Variants in TMEM131 observed in about 807,000 individuals in gnomAD.
TMEM131 encodes the protein transmembrane protein 131.
TMEM131 carries 66 observed loss-of-function variants against 211.6 expected under a neutral mutation model. The observed-to-expected ratio is 0.31, with a 90% CI of 0.26 to 0.38. The LOEUF (loss-of-function observed/expected upper bound fraction) is 0.38. Ranked by LOEUF, TMEM131 falls within the 10% of genes least tolerant of loss-of-function variation. The pLI, the probability that TMEM131 is intolerant of heterozygous loss-of-function variation, is 1.00. For missense variants in TMEM131, 2,036 were observed against 2,299.3 expected (o/e 0.89, Z 2.34); for synonymous variants, 844 against 841.3 (o/e 1.00, Z -0.06).
At chr2:97,810,769 C>T (rs1056491147) in intron 18 of TMEM131, among the ~76,000 whole-genome samples, 6 of 152,056 alleles carry the variant, frequency 3.9e-5, no homozygotes, top group African/African-American at 1.4e-4. Flanking sequence ...AATGTTAGAC[C>T]CTGACTGCTA....
chr2:97,805,047 C>G, intron 22 of TMEM131, 41 bp downstream of exon 22: 1 of 1,357,750 alleles, frequency 7.4e-7, no homozygotes, highest in Non-Finnish European at 1.0e-6. Context: ...CAATAGTCAT[C>G]TTGTAAAGAT....
At chr2:97,926,416 T>C (rs988704577) in intron 2 of TMEM131, among the ~76,000 whole-genome samples, 31 of 152,200 alleles carry the variant, frequency 2.0e-4, no homozygotes, top group Admixed American at 6.5e-5. Context: ...AAAATAAAAA[T>C]TGTTTCTGAG....
intron 5 of TMEM131, among the ~76,000 whole-genome samples, chr2:97,849,035 G>T (rs1291512755): frequency 1.3e-5 from 2 of 152,010 alleles, no homozygotes; most frequent in Non-Finnish European, 2.9e-5. Flanking sequence ...GAAAACATAT[G>T]GATGGCAAAT....
chr2:97,927,305 T>C, intron 2 of TMEM131, 121 bp downstream of exon 2: 1 of 687,362 alleles, frequency 1.5e-6, no homozygotes, highest in Non-Finnish European at 2.2e-6. Context: ...TACTGACCTA[T>C]CTTCAAAGCT....
chr2:97,876,408 A>G (rs1674695931), intron 4 of TMEM131, among the ~76,000 whole-genome samples: 1 of 152,222 alleles, frequency 6.6e-6, no homozygotes, highest in Admixed American at 6.5e-5. Flanking sequence ...ACAAAAAAAG[A>G]AAATTTCAGG....
intron 1 of TMEM131, among the ~76,000 whole-genome samples, chr2:97,968,672 C>T (rs1003318880): frequency 3.3e-5 from 5 of 152,194 alleles, no homozygotes; most frequent in Non-Finnish European, 7.3e-5. Context: ...TCCCACTCAT[C>T]TGTGCGTAGT....
intron 1 of TMEM131, among the ~76,000 whole-genome samples, chr2:97,977,267 T>C (rs1256410345): frequency 6.6e-6 from 1 of 152,152 alleles, no homozygotes. Context: ...AATATGTATC[T>C]CCAGAATACT....
At chr2:97,793,621 T>A in intron 29 of TMEM131, 68 bp from the exon 30 acceptor site, 1 of 1,446,948 alleles carries the variant, frequency 6.9e-7, no homozygotes, top group Non-Finnish European at 9.4e-7. Context: ...AAATTCGATG[T>A]TAAAGGCAGA....
At chr2:97,824,725 G>C (rs932979243) in intron 11 of TMEM131, among the ~76,000 whole-genome samples, 1 of 152,202 alleles carries the variant, frequency 6.6e-6, no homozygotes, top group Non-Finnish European at 1.5e-5. Flanking sequence ...CAGGCTAAAA[G>C]ACTCCACTAC....
Position 97,927,496 on chromosome 2 carries a change from A to G in TMEM131, c.188-9T>C. 1 of 1,556,746 alleles carries G rather than the reference A, an allele frequency of 6.4e-7. No homozygotes were observed. The highest frequency in any genetic ancestry group is 8.7e-7 in the Non-Finnish European group (1 of 1,154,354). The stretch of plus-strand genomic sequence containing the variant: ...CTCTGACTGAACGAATGCTGTGAAG[A>G]AAACAAAACATACCATCACTTACAG... On this transcript the variant is annotated splice_polypyrimidine_tract_variant and intron_variant, in intron 1 of 40. Coordinates refer to ENST00000186436, the MANE Select transcript of TMEM131 (RefSeq NM_015348.2).
intron 5 of TMEM131, among the ~76,000 whole-genome samples, chr2:97,845,145 A>G (rs1683364523): frequency 6.6e-6 from 1 of 151,866 alleles, no homozygotes; most frequent in African/African-American, 2.4e-5. Context: ...AATTACAATA[A>G]TTCACAACTT....
Position 97,809,829 on chromosome 2 carries a change from G to T in TMEM131, c.1969-55C>A, listed in dbSNP as rs543318445. ...AGTAGTTAAGACTTAGCCTGATCTT[G>T]ATAACTATTGCATTATATTTTGGGG... On this transcript the variant is annotated intron_variant, in intron 18 of 40. Transcript: ENST00000186436. 2.4e-5 allele frequency: 33 copies of T among 1,367,556 alleles called. No individual in the cohort carries two copies. In the South Asian group the frequency reaches 3.7e-4, roughly 16 times the overall value. 84.7% of individuals were successfully genotyped at this position (1,367,556 alleles called of 1,614,324 possible). A position where few individuals can be genotyped will look rare whatever the true frequency, so the allele number is the denominator to read the frequency against.
intron 4 of TMEM131, among the ~76,000 whole-genome samples, chr2:97,875,894 AC>A (rs1231837181): frequency 6.6e-6 from 1 of 152,222 alleles, no homozygotes; most frequent in East Asian, 1.9e-4. Flanking sequence ...AGATAGAGAC[AC>A]AAAAAACCCT....
At chr2:97,829,167 G>C (rs557295098) in intron 11 of TMEM131, among the ~76,000 whole-genome samples, 85 of 152,314 alleles carry the variant, frequency 5.6e-4, no homozygotes, top group African/African-American at 1.7e-3. Flanking sequence ...CTATTTAGAG[G>C]GGGGATTGAG....
rs1681088198 is a variant in TMEM131 at position 97,802,632 on chromosome 2, A to G, written c.2541+20T>C. 2.5e-6 allele frequency: 4 copies of G among 1,611,210 alleles called. No individual in the cohort carries two copies. The highest frequency in any genetic ancestry group is 1.7e-4 in the Middle Eastern group (1 of 6,052). ...TCCTAGTATGTATTTCCAAAAACCA[A>G]TGTCACTTTGAATACTTACTGAGGA... is the stretch of plus-strand genomic sequence containing the variant. On this transcript the variant is annotated intron_variant, in intron 23 of 40. Transcript: ENST00000186436.
chr2:97,819,605 G>A (rs1052847334), intron 11 of TMEM131, among the ~76,000 whole-genome samples: 2 of 152,106 alleles, frequency 1.3e-5, no homozygotes, highest in African/African-American at 2.4e-5. Context: ...TCACAAAATC[G>A]TGGTACTGTA....
In TMEM131 at chr2:97,938,007, T is replaced by TA. The variant is rs542655743; in HGVS notation, c.188-10521dup. 2.0e-3 allele frequency among the ~76,000 whole-genome samples: 301 copies of TA among 152,274 alleles called. 1 individual carries two copies. The highest frequency in any genetic ancestry group is 3.5e-3 in the Non-Finnish European group (235 of 68,020). On this transcript the variant is annotated intron_variant, in intron 1 of 40. Coordinates refer to ENST00000186436, the MANE Select transcript of TMEM131 (RefSeq NM_015348.2). Reference sequence around the variant, plus strand: ...GATTCTGTCACCACCAGGCCTGCCTTACAAGAGCTCCTGAAAGAAGCACTA... The same window carrying TA: ...GATTCTGTCACCACCAGGCCTGCCTTAACAAGAGCTCCTGAAAGAAGCACTA...
chr2:97,991,232 C>T (rs970413836), intron 1 of TMEM131, among the ~76,000 whole-genome samples: 16 of 152,114 alleles, frequency 1.1e-4, no homozygotes, highest in Non-Finnish European at 7.3e-5. Flanking sequence ...AATGACACCC[C>T]TGAAATCATT....
intron 3 of TMEM131, among the ~76,000 whole-genome samples, chr2:97,900,725 A>G (rs1286988639): frequency 6.6e-6 from 1 of 152,106 alleles, no homozygotes; most frequent in Non-Finnish European, 1.5e-5. Flanking sequence ...TCTTGTATAT[A>G]TACCTAGTTA....
Sources: allele counts gnomAD v4.1 joint callset (sites outside exome capture counted in the v4.1 genomes callset), GRCh38; gene constraint gnomAD v4.1.1; transcripts MANE v1.5; gene names NCBI Gene and HGNC (gene_info 2026-07-23, HGNC 2026-07-21).